The following CFAP69 variants were observed in gnomAD, a reference collection of about 807,000 sequenced individuals.
CFAP69 encodes the protein cilia and flagella associated protein 69.
CFAP69 carries 92 observed loss-of-function variants against 123.0 expected under a neutral mutation model. That is an observed-to-expected ratio of 0.75 (90% CI 0.63 to 0.89). The LOEUF is 0.89. Ranked by LOEUF, CFAP69 falls within the 40% of genes least tolerant of loss-of-function variation. The pLI, the probability that CFAP69 is intolerant of heterozygous loss-of-function variation, is 0.00. For missense variants in CFAP69, 1,067 were observed against 1,096.9 expected (o/e 0.97, Z 0.39); for synonymous variants, 380 against 364.3 (o/e 1.04, Z -0.49).
At chr7:90,308,874 A>G (rs914470596) in intron 21 of CFAP69, among the ~76,000 whole-genome samples, 2 of 152,192 alleles carry the variant, frequency 1.3e-5, no homozygotes, top group African/African-American at 4.8e-5. Context: ...AAAACATTTA[A>G]GTGTACTTAA....
At chr7:90,308,441 C>G (rs937428645) in intron 21 of CFAP69, among the ~76,000 whole-genome samples, 1 of 152,100 alleles carries the variant, frequency 6.6e-6, no homozygotes, top group Admixed American at 6.6e-5. Flanking sequence ...TTACTTTTCC[C>G]CACCCTTTTC....
At chr7:90,298,145 GA>G (rs1792269965) in intron 16 of CFAP69, among the ~76,000 whole-genome samples, 1 of 152,178 alleles carries the variant, frequency 6.6e-6, no homozygotes, top group Admixed American at 6.5e-5. Flanking sequence ...TTGACCATAT[GA>G]AAACCCATAG....
chr7:90,269,970 C>T (rs1215321113), intron 6 of CFAP69: 1 of 152,122 alleles, frequency 6.6e-6, no homozygotes. Context: ...TGGCAAAATA[C>T]AGACGCCCTT....
chr7:90,296,022 T>C (rs1409950255), intron 15 of CFAP69, among the ~76,000 whole-genome samples: 1 of 152,176 alleles, frequency 6.6e-6, no homozygotes, highest in South Asian at 2.1e-4. Context: ...TAATAACCTG[T>C]ATCTGTGCTG....
chr7:90,277,173 A>G, intron 10 of CFAP69, 40 bp from the exon 11 acceptor site: 1 of 1,578,488 alleles, frequency 6.3e-7, no homozygotes, highest in Middle Eastern at 1.7e-4. Flanking sequence ...TAAGTCTTGT[A>G]CAACATTTAA....
At chr7:90,273,248 C>G (rs1358228463) in intron 8 of CFAP69, among the ~76,000 whole-genome samples, 1 of 152,094 alleles carries the variant, frequency 6.6e-6, no homozygotes, top group African/African-American at 2.4e-5. Context: ...AACTAAAATT[C>G]AGTATGATGA....
Position 90,268,331 on chromosome 7 carries a change from G to T in CFAP69, c.479G>T (p.Cys160Phe), listed in dbSNP as rs530113668. The T allele has an allele frequency of 3.1e-6, 5 of 1,609,920 alleles. No individual in the cohort carries two copies. Among genetic ancestry groups the T allele is most frequent in the Non-Finnish European group, 4.2e-6 (5 of 1,178,628 alleles). ...AGTTCTGAATTGAGGATACAAATTTGTAAGTGTATTGTTGATTTTTATCAT... is the reference window on the plus strand; with the variant it reads ...AGTTCTGAATTGAGGATACAAATTTTTAAGTGTATTGTTGATTTTTATCAT... ...IPSSELRIQI[C>F]KCIVDFYHAE... Residue 160 changes from cysteine (C) to phenylalanine (F), a missense_variant, in exon 6 of 23, where the codon TGT (cysteine) becomes TTT (phenylalanine). Physicochemically the swap from Cys to Phe is radical, Grantham distance 205. Coordinates refer to ENST00000389297, the MANE Select transcript of CFAP69 (RefSeq NM_001039706.3).
intron 16 of CFAP69, among the ~76,000 whole-genome samples, chr7:90,298,845 A>T (rs1792369764): frequency 6.6e-6 from 1 of 152,182 alleles, no homozygotes; most frequent in Non-Finnish European, 1.5e-5. Flanking sequence ...CAACCAAATT[A>T]ATTGCAAATT....
At chr7:90,293,763 G>A (rs752275478) in intron 15 of CFAP69, among the ~76,000 whole-genome samples, 1 of 152,102 alleles carries the variant, frequency 6.6e-6, no homozygotes, top group Non-Finnish European at 1.5e-5. Context: ...TTATGTACTA[G>A]GCATGGAGCC....
chr7:90,319,410 G>A, the CFAP69 span: 1 of 398,558 alleles, frequency 2.5e-6, no homozygotes, highest in Non-Finnish European at 4.4e-6. Flanking sequence ...CCTGTCTTCT[G>A]CCCATTCCAT....
At chr7:90,313,880 G>T (rs913400858), downstream of CFAP69, among the ~76,000 whole-genome samples, 1 of 152,108 alleles carries the variant, frequency 6.6e-6, no homozygotes, top group Non-Finnish European at 1.5e-5. Flanking sequence ...AAAGAAAGTG[G>T]AAAGAAACTT....
At chr7:90,255,966 C>T (rs1797596139) in intron 2 of CFAP69, among the ~76,000 whole-genome samples, 1 of 152,096 alleles carries the variant, frequency 6.6e-6, no homozygotes, top group Admixed American at 6.6e-5. Context: ...GGAAAGCAGG[C>T]ATTGAGAGAA....
At chr7:90,250,233 A>AGAGAGAGAGAGAGACT (rs1796842689) in intron 1 of CFAP69, among the ~76,000 whole-genome samples, 1 of 135,384 alleles carries the variant, frequency 7.4e-6, no homozygotes, top group Non-Finnish European at 1.6e-5. Flanking sequence ...AGAGAGAGAG[A>AGAGAGAGAGAGAGACT]GACTCCTTGG....
chr7:90,260,964 A>G (rs565061260), intron 3 of CFAP69, among the ~76,000 whole-genome samples: 59 of 152,192 alleles, frequency 3.9e-4, no homozygotes, highest in Non-Finnish European at 4.9e-4. Flanking sequence ...ATCTTTTCCT[A>G]AAAGGTCCTA....
chr7:90,286,429 G>T lies in CFAP69; in HGVS notation c.1656+30G>T, dbSNP rs1400315492. On this transcript the variant is annotated intron_variant, in intron 14 of 22. Transcript: ENST00000389297. ...GTATGCCTGTGAAAGTTTTGTTCAG[G>T]TCTCCCAGTCACCTAACACTATAAA... The T allele has an allele frequency of 5.6e-6, 9 of 1,605,042 alleles. No homozygotes were observed. In the African/African-American group the frequency reaches 1.1e-4, roughly 19 times the overall value.
intron 3 of CFAP69, among the ~76,000 whole-genome samples, chr7:90,261,272 A>C (rs1464590956): frequency 1.3e-5 from 2 of 152,052 alleles, no homozygotes; most frequent in East Asian, 3.9e-4. Flanking sequence ...ACGGGGTTTT[A>C]CCATGTTGGT....
intron 5 of CFAP69, among the ~76,000 whole-genome samples, chr7:90,266,811 A>C (rs568877676): frequency 3.4e-4 from 51 of 152,080 alleles, no homozygotes; most frequent in Middle Eastern, 6.8e-3. Flanking sequence ...TTGAACAAAA[A>C]CTCTTCATGA....
intron 2 of CFAP69, 85 bp downstream of exon 2, chr7:90,255,567 A>G: frequency 9.7e-7 from 1 of 1,027,728 alleles, no homozygotes; most frequent in Non-Finnish European, 1.5e-6. Context: ...CTTCAAATGT[A>G]AGTCTCATTT....
At chr7:90,316,707 T>A in the CFAP69 span, 2 of 152,228 alleles carry the variant, frequency 1.3e-5, no homozygotes, top group African/African-American at 2.4e-5. Flanking sequence ...AAGCTTAAGA[T>A]GAGTTGTTTT....
Sources: allele counts gnomAD v4.1 joint callset (sites outside exome capture counted in the v4.1 genomes callset), GRCh38; gene constraint gnomAD v4.1.1; transcripts MANE v1.5; gene names NCBI Gene and HGNC (gene_info 2026-07-23, HGNC 2026-07-21).